Variants in GRIA4 observed in about 807,000 individuals in gnomAD.
GRIA4 encodes the protein glutamate ionotropic receptor AMPA type subunit 4.
In GRIA4, 34 loss-of-function variants were observed where a neutral mutation model predicts 104.0. That is an observed-to-expected ratio of 0.33 (90% confidence interval 0.25 to 0.44). GRIA4 has a LOEUF of 0.44. Ranked by LOEUF, GRIA4 falls within the 20% of genes least tolerant of loss-of-function variation. GRIA4 has a pLI of 1.00. For missense variants in GRIA4, 750 were observed against 1,096.5 expected (o/e 0.68, Z 4.46); for synonymous variants, 386 against 381.9 (o/e 1.01, Z -0.13).
chr11:105,610,761 G>C (rs1950450186), intron 1 of GRIA4, 147 bp from the exon 2 acceptor site: 2 of 496,560 alleles, frequency 4.0e-6, no homozygotes, highest in South Asian at 2.5e-5. Context: ...CAGGGCTATG[G>C]AGACTGCGGG....
chr11:105,814,625 G>C (rs1201888313), intron 4 of GRIA4, among the ~76,000 whole-genome samples: 1 of 151,886 alleles, frequency 6.6e-6, no homozygotes, highest in African/African-American at 2.4e-5. Context: ...ACAGATAGTA[G>C]GCAAATAACT....
intron 3 of GRIA4, among the ~76,000 whole-genome samples, chr11:105,701,982 T>C: frequency 6.6e-6 from 1 of 152,264 alleles, no homozygotes; most frequent in East Asian, 1.9e-4. Flanking sequence ...TCTCCCAGAC[T>C]GGAGTGCAGC....
intron 6 of GRIA4, among the ~76,000 whole-genome samples, chr11:105,889,249 A>C (rs1946381040): frequency 6.6e-6 from 1 of 152,212 alleles, no homozygotes; most frequent in South Asian, 2.1e-4. Context: ...AGGAGATGGC[A>C]GTGTATTTAA....
intron 14 of GRIA4, among the ~76,000 whole-genome samples, chr11:105,955,784 G>A (rs1456340014): frequency 2.6e-5 from 4 of 152,106 alleles, no homozygotes; most frequent in Non-Finnish European, 5.9e-5. Context: ...AGCATCTATT[G>A]TTTCCTGATT....
rs536400426 is a variant in GRIA4 at position 105,782,453 on chromosome 11, C to T, written c.487+29233C>T. ...TGGCTTATTAGGAATCCTCTTAAAACCAAATAATACATGATTTCAGTGTTT... is the reference window on the plus strand; with the variant it reads ...TGGCTTATTAGGAATCCTCTTAAAATCAAATAATACATGATTTCAGTGTTT... On this transcript the variant is annotated intron_variant, in intron 4 of 16. Coordinates refer to ENST00000282499, the MANE Select transcript of GRIA4 (RefSeq NM_000829.4). 5.3e-5 allele frequency among the ~76,000 whole-genome samples: 8 copies of T among 152,248 alleles called. 1 individual carries two copies. The highest frequency in any genetic ancestry group is 1.4e-4 in the African/African-American group (6 of 41,550).
chr11:105,900,746 C>T (rs1163636492), intron 7 of GRIA4, among the ~76,000 whole-genome samples: 1 of 152,044 alleles, frequency 6.6e-6, no homozygotes. Context: ...TGCCCCACCA[C>T]ACCTGGCTAA....
chr11:105,693,000 T>C (rs900911885), intron 3 of GRIA4, among the ~76,000 whole-genome samples: 1 of 152,194 alleles, frequency 6.6e-6, no homozygotes, highest in Non-Finnish European at 1.5e-5. Flanking sequence ...ATTAAAGAGC[T>C]TGATCATATC....
chr11:105,714,162 C>A (rs1954009174), intron 3 of GRIA4, among the ~76,000 whole-genome samples: 1 of 151,734 alleles, frequency 6.6e-6, no homozygotes, highest in Admixed American at 6.6e-5. Flanking sequence ...AATGGTTTTG[C>A]TTCTCAAAAC....
intron 4 of GRIA4, among the ~76,000 whole-genome samples, chr11:105,771,917 ATG>A (rs1439964655): frequency 6.6e-6 from 1 of 152,122 alleles, no homozygotes; most frequent in Non-Finnish European, 1.5e-5. Flanking sequence ...AAAAATTAAA[ATG>A]TATCAAAACT....
At chr11:105,634,529 A>G (rs10895845) in intron 3 of GRIA4, among the ~76,000 whole-genome samples, 33,411 of 89,716 alleles carry the variant, frequency 0.37, 5,122 homozygotes, top group Admixed American at 0.43. Flanking sequence ...AGAAAGAAAG[A>G]AAAGAAAGAA....
chr11:105,802,574 CTA>C (rs1268349670), intron 4 of GRIA4, among the ~76,000 whole-genome samples: 7 of 151,968 alleles, frequency 4.6e-5, no homozygotes, highest in Admixed American at 4.6e-4. Flanking sequence ...ACTTCTCAGT[CTA>C]TTTTCTCACT....
intron 4 of GRIA4, among the ~76,000 whole-genome samples, chr11:105,803,815 T>C (rs1258330997): frequency 7.7e-6 from 1 of 129,054 alleles, no homozygotes; most frequent in African/African-American, 3.1e-5. Context: ...GTAAATTGAA[T>C]AGATAGGTGA....
Position 105,769,283 on chromosome 11 carries a change from CAG to C in GRIA4, c.487+16066_487+16067del, listed in dbSNP as rs1482226813. Among the ~76,000 whole-genome samples, 53 of 152,092 alleles carry C rather than the reference CAG, an allele frequency of 3.5e-4. 2 individuals are homozygous for C. Among genetic ancestry groups the C allele is most frequent in the African/African-American group, 1.3e-3 (53 of 41,494 alleles). ...TGATTGAGGCACATGCAAGACTGTGCAGAGTTACAGAAAAGGCAAATCATTTT... is the reference window on the plus strand; with the variant it reads ...TGATTGAGGCACATGCAAGACTGTGCAGTTACAGAAAAGGCAAATCATTTT... On this transcript the variant is annotated intron_variant, in intron 4 of 16. Transcript: ENST00000282499.
intron 5 of GRIA4, among the ~76,000 whole-genome samples, chr11:105,868,250 G>A (rs1012616375): frequency 5.3e-5 from 8 of 152,122 alleles, no homozygotes; most frequent in African/African-American, 9.7e-5. Context: ...AGAACGAACT[G>A]TAAAGGAAAC....
chr11:105,873,108 T>G (rs1945678192), intron 5 of GRIA4, among the ~76,000 whole-genome samples: 1 of 152,152 alleles, frequency 6.6e-6, no homozygotes, highest in African/African-American at 2.4e-5. Flanking sequence ...CAGTGTGTGA[T>G]GTTCCCCTCC....
chr11:105,818,875 T>C (rs1263617150), intron 4 of GRIA4, among the ~76,000 whole-genome samples: 1 of 152,214 alleles, frequency 6.6e-6, no homozygotes, highest in Non-Finnish European at 1.5e-5. Context: ...AGAAGTCATA[T>C]GTTTTGAAAC....
chr11:105,625,203 C>A (rs1011722447), intron 3 of GRIA4, among the ~76,000 whole-genome samples: 1 of 151,874 alleles, frequency 6.6e-6, no homozygotes, highest in African/African-American at 2.4e-5. Context: ...TCCGTGACAA[C>A]GAGGATGATA....
At chr11:105,748,383 ATT>A (rs34745477) in intron 3 of GRIA4, among the ~76,000 whole-genome samples, 61 of 147,816 alleles carry the variant, frequency 4.1e-4, no homozygotes, top group South Asian at 4.3e-4. Flanking sequence ...CACTTTTGTG[ATT>A]TTTTTTTTTT....
intron 14 of GRIA4, chr11:105,966,187 AC>A (rs1858360842): frequency 3.1e-6 from 2 of 648,134 alleles, no homozygotes; most frequent in East Asian, 5.5e-5. Context: ...TCGCAAACTT[AC>A]GTATGCAGTT....
Sources: allele counts gnomAD v4.1 joint callset (sites outside exome capture counted in the v4.1 genomes callset), GRCh38; gene constraint gnomAD v4.1.1; transcripts MANE v1.5; gene names NCBI Gene and HGNC (gene_info 2026-07-23, HGNC 2026-07-21).